The following LRRC28 variants were observed in gnomAD, a reference collection of about 807,000 sequenced individuals.
The protein encoded by LRRC28 is leucine-rich repeat-containing protein 28.
A neutral mutation model predicts 45.7 loss-of-function variants in LRRC28; 39 were observed. The ratio of observed to expected loss-of-function variants is 0.85; its 90% CI spans 0.66 to 1.12. The LOEUF (loss-of-function observed/expected upper bound fraction) is 1.12. Ranked by LOEUF, LRRC28 falls within the 50% of genes most tolerant of loss-of-function variation. The pLI, the probability that LRRC28 is intolerant of heterozygous loss-of-function variation, is 0.00. For synonymous variants in LRRC28, 206 were observed against 178.8 expected, an observed-to-expected ratio of 1.15 and a Z score of -1.22; for missense variants, 435 against 438.5, an observed-to-expected ratio of 0.99 and a Z score of 0.07.
chr15:99,390,111 C>G lies in LRRC28; in HGVS notation c.*4009C>G, dbSNP rs1174957933. 6.6e-6 allele frequency: 1 copy of G among 151,648 alleles called. No individual in the cohort carries two copies. Among genetic ancestry groups the G allele is most frequent in the African/African-American group, 2.4e-5 (1 of 41,430 alleles). The allele number at this position is 151,648 out of a possible 1,614,324, so 9.4% of individuals were successfully genotyped here. A position where few individuals can be genotyped will look rare whatever the true frequency, so the allele number is the denominator to read the frequency against. On this transcript the variant is annotated 3_prime_UTR_variant, in exon 10 of 10. Transcript: ENST00000301981. ...CCAGCCTGGGCAACAGAGCGAGACTCCGTCTCAAAAAAAAATCATTCAAGT... is the reference window on the plus strand; with the variant it reads ...CCAGCCTGGGCAACAGAGCGAGACTGCGTCTCAAAAAAAAATCATTCAAGT...
intron 6 of LRRC28, among the ~76,000 whole-genome samples, chr15:99,334,423 G>A (rs1353366913): frequency 6.6e-6 from 1 of 151,792 alleles, no homozygotes; most frequent in Non-Finnish European, 1.5e-5. Context: ...GTGTGTGTGT[G>A]TGTGTGTGTG....
chr15:99,287,380 C>T (rs1038370613), intron 4 of LRRC28, 86 bp downstream of exon 4: 3 of 1,044,022 alleles, frequency 2.9e-6, no homozygotes, highest in South Asian at 3.9e-5. Context: ...TTTTAAGACA[C>T]CTTTAATTTT....
At chr15:99,269,810 A>G (rs1597187436) in intron 2 of LRRC28, among the ~76,000 whole-genome samples, 1 of 152,230 alleles carries the variant, frequency 6.6e-6, no homozygotes, top group Non-Finnish European at 1.5e-5. Flanking sequence ...GCCATATTGG[A>G]CAACACAGAT....
intron 5 of LRRC28, among the ~76,000 whole-genome samples, chr15:99,289,939 C>CAAAA (rs398028517): frequency 3.0e-4 from 15 of 49,698 alleles, no homozygotes; most frequent in South Asian, 1.3e-3. Flanking sequence ...GACTCCGTCT[C>CAAAA]AAAAAAAAAA....
chr15:99,284,137 A>C (rs1275609235), intron 3 of LRRC28, among the ~76,000 whole-genome samples: 1 of 152,176 alleles, frequency 6.6e-6, no homozygotes, highest in Non-Finnish European at 1.5e-5. Context: ...TCTCTGATCC[A>C]CTTTACCAGT....
chr15:99,380,813 G>A (rs1957796951), intron 9 of LRRC28, among the ~76,000 whole-genome samples: 1 of 152,190 alleles, frequency 6.6e-6, no homozygotes, highest in Non-Finnish European at 1.5e-5. Flanking sequence ...GGCTGGATAT[G>A]AAATTCTAGA....
At position 99,386,870 on chromosome 15, in the gene LRRC28, A is replaced by G. The variant is rs1287842532; in HGVS notation, c.*768A>G. ...TTTTTATATGAGAAGAATTTGAGGA[A>G]TATTTGAAGCTTTACAAGATCTGAT... is the stretch of plus-strand genomic sequence containing the variant. On this transcript the variant is annotated 3_prime_UTR_variant, in exon 10 of 10. Coordinates refer to ENST00000301981, the MANE Select transcript of LRRC28 (RefSeq NM_144598.5). 3 of 152,180 alleles carry G rather than the reference A, an allele frequency of 2.0e-5. No individual in the cohort carries two copies. Among genetic ancestry groups the G allele is most frequent in the Admixed American group, 2.0e-4 (3 of 15,282 alleles). 9.4% of individuals were successfully genotyped at this position (152,180 alleles called of 1,614,324 possible).
chr15:99,267,014 ACT>A (rs1484650768), intron 2 of LRRC28, among the ~76,000 whole-genome samples: 3 of 151,884 alleles, frequency 2.0e-5, no homozygotes, highest in East Asian at 1.9e-4. Flanking sequence ...ACAAGGGAAA[ACT>A]CTACTAGTAA....
intron 7 of LRRC28, among the ~76,000 whole-genome samples, chr15:99,356,386 A>G (rs1957047839): frequency 6.6e-6 from 1 of 152,224 alleles, no homozygotes; most frequent in Non-Finnish European, 1.5e-5. Flanking sequence ...CTAGAATTGA[A>G]AACAGTGTCT....
Position 99,352,386 on chromosome 15 carries a change from G to T in LRRC28, c.610G>T (p.Glu204Ter). Residue 204 changes from glutamate (E) to a stop codon, truncating the protein, a stop_gained, in exon 7 of 10, where the codon GAA (glutamate) becomes TAA (stop). Coordinates refer to ENST00000301981, the MANE Select transcript of LRRC28 (RefSeq NM_144598.5). LOFTEE classifies it high-confidence loss of function. ...FLPLDLGRSR[E>*]LQYVYVDNNI... Reference sequence around the variant, plus strand: ...TAATCCAGATTTAGGTCGATCTCGAGAACTACAGTATGTATACGTGGATAA... The same window carrying T: ...TAATCCAGATTTAGGTCGATCTCGATAACTACAGTATGTATACGTGGATAA... The T allele has an allele frequency of 6.2e-7, 1 of 1,613,290 alleles. No homozygotes were observed. Among genetic ancestry groups the T allele is most frequent in the Non-Finnish European group, 8.5e-7 (1 of 1,179,680 alleles).
At chr15:99,277,080 A>G (rs1226433317) in intron 3 of LRRC28, among the ~76,000 whole-genome samples, 1 of 151,502 alleles carries the variant, frequency 6.6e-6, no homozygotes, top group Admixed American at 6.6e-5. Flanking sequence ...CTATGTTTAC[A>G]CCTTTGTTTT....
chr15:99,306,920 C>T (rs1955204713), intron 5 of LRRC28, among the ~76,000 whole-genome samples: 1 of 152,202 alleles, frequency 6.6e-6, no homozygotes. Flanking sequence ...CATCTTTGGT[C>T]CTTTTCGGGT....
intron 2 of LRRC28, chr15:99,260,040 G>T: frequency 3.5e-6 from 2 of 565,058 alleles, no homozygotes; most frequent in Non-Finnish European, 6.6e-6. Context: ...TCATCGTTTG[G>T]ATCCTGTGTG....
chr15:99,352,342 A>G (rs1253835684), intron 6 of LRRC28, 27 bp from the exon 7 acceptor site: 1 of 1,489,586 alleles, frequency 6.7e-7, no homozygotes, highest in South Asian at 1.1e-5. Context: ...GTATATAGGA[A>G]TTACAGCACT....
chr15:99,336,795 C>T (rs1956338896), intron 6 of LRRC28, among the ~76,000 whole-genome samples: 1 of 152,176 alleles, frequency 6.6e-6, no homozygotes, highest in African/African-American at 2.4e-5. Flanking sequence ...TTGCCCGGCC[C>T]CTGCAACTTC....
At chr15:99,287,326 A>G in intron 4 of LRRC28, 32 bp downstream of exon 4, 4 of 1,456,500 alleles carry the variant, frequency 2.7e-6, no homozygotes, top group Non-Finnish European at 3.7e-6. Flanking sequence ...TAGTTAGAAG[A>G]TAATATAATT....
intron 2 of LRRC28, among the ~76,000 whole-genome samples, chr15:99,272,452 A>G (rs1185030987): frequency 2.0e-5 from 3 of 152,242 alleles, no homozygotes; most frequent in African/African-American, 7.2e-5. Flanking sequence ...GTGTTCGGAA[A>G]GAGAAGGAAA....
intron 2 of LRRC28, chr15:99,257,589 C>T: frequency 3.3e-6 from 2 of 603,612 alleles, no homozygotes; most frequent in Non-Finnish European, 6.3e-6. Flanking sequence ...GGAGGTGGCT[C>T]TTGCGATCGA....
In LRRC28 at chr15:99,388,277, T is replaced by G. The variant is rs1958087785; in HGVS notation, c.*2175T>G. On this transcript the variant is annotated 3_prime_UTR_variant, in exon 10 of 10. Transcript: ENST00000301981. The stretch of plus-strand genomic sequence containing the variant: ...CTATTTCATCCTCTACAATCATATG[T>G]CATGGAATGGAGCTATGAAATGTGC... 1 of 152,250 alleles carries G rather than the reference T, an allele frequency of 6.6e-6. No homozygotes were observed. Among genetic ancestry groups the G allele is most frequent in the African/African-American group, 2.4e-5 (1 of 41,470 alleles). 9.4% of individuals were successfully genotyped at this position (152,250 alleles called of 1,614,324 possible). A position where few individuals can be genotyped will look rare whatever the true frequency, so the allele number is the denominator to read the frequency against.
Sources: allele counts gnomAD v4.1 joint callset (sites outside exome capture counted in the v4.1 genomes callset), GRCh38; gene constraint gnomAD v4.1.1; transcripts MANE v1.5; gene names NCBI Gene and HGNC (gene_info 2026-07-23, HGNC 2026-07-21).